Variants in SUMF1 observed in about 807,000 individuals in gnomAD.
SUMF1 encodes formylglycine-generating enzyme.
Under a neutral mutation model 47.6 loss-of-function variants are expected in SUMF1, and 48 were observed. That is an observed-to-expected ratio of 1.01 (90% confidence interval 0.80 to 1.28). The LOEUF is 1.28. SUMF1 is among the 50% of genes most tolerant of loss of function. The pLI, the probability that SUMF1 is intolerant of heterozygous loss-of-function variation, is 0.00. For missense variants in SUMF1, 571 were observed against 485.4 expected, an observed-to-expected ratio of 1.18 and a Z score of -1.66; for synonymous variants, 230 against 192.1, an observed-to-expected ratio of 1.20 and a Z score of -1.63.
intron 9 of SUMF1, among the ~76,000 whole-genome samples, chr3:4,039,865 A>T (rs1694879733): frequency 1.3e-5 from 2 of 152,124 alleles, no homozygotes; most frequent in South Asian, 2.1e-4. Context: ...TACAAAAAAA[A>T]TTTTCAAATT....
intron 9 of SUMF1, among the ~76,000 whole-genome samples, chr3:4,065,064 C>A (rs1368637975): frequency 6.6e-6 from 1 of 152,142 alleles, no homozygotes; most frequent in South Asian, 2.1e-4. Flanking sequence ...CCTAGTAACT[C>A]TGATTTATGG....
chr3:4,112,183 A>C (rs1693323107), intron 8 of SUMF1, among the ~76,000 whole-genome samples: 1 of 152,164 alleles, frequency 6.6e-6, no homozygotes, highest in African/African-American at 2.4e-5. Context: ...ATGCACTTCA[A>C]GCAAGCAAAG....
chr3:4,451,745 C>T (rs905116461), intron 2 of SUMF1, among the ~76,000 whole-genome samples: 18 of 152,224 alleles, frequency 1.2e-4, no homozygotes, highest in Non-Finnish European at 1.9e-4. Flanking sequence ...GGGCAGTGGC[C>T]GGATCTCGGC....
intron 9 of SUMF1, among the ~76,000 whole-genome samples, chr3:4,052,509 G>A (rs1392298097): frequency 2.0e-5 from 3 of 152,132 alleles, no homozygotes; most frequent in East Asian, 1.9e-4. Flanking sequence ...TGCAGCTCCT[G>A]CATGCTTCAA....
chr3:4,162,969 T>C (rs920709185), intron 8 of SUMF1, among the ~76,000 whole-genome samples: 3 of 151,924 alleles, frequency 2.0e-5, no homozygotes, highest in African/African-American at 4.8e-5. Flanking sequence ...TTCACAGAAC[T>C]ACAAACTCAT....
In SUMF1 at chr3:4,348,710, CAAA is replaced by C. The variant is rs776215852; in HGVS notation, c.1014+27617_1014+27619del. 5.4e-3 allele frequency among the ~76,000 whole-genome samples: 713 copies of C among 132,892 alleles called. 6 individuals are homozygous for C. The highest frequency in any genetic ancestry group is 0.018 in the African/African-American group (686 of 37,508). The allele number at this position is 132,892 out of a possible 152,430, so 87.2% of individuals were successfully genotyped here. A position where few individuals can be genotyped will look rare whatever the true frequency, so the allele number is the denominator to read the frequency against. ...AGAAATGCTGTCTCTACTAAAAATA[CAAA>C]AAAAAAAAAAAATTAGCCAGGTGTG... On this transcript the variant is annotated intron_variant and NMD_transcript_variant, in intron 8 of 12. Coordinates refer to the SUMF1 transcript ENST00000448413.
chr3:4,409,636 G>A (rs1559280852), intron 7 of SUMF1, among the ~76,000 whole-genome samples: 1 of 152,284 alleles, frequency 6.6e-6, no homozygotes, highest in Non-Finnish European at 1.5e-5. Context: ...GGTAGAGAAT[G>A]ACATCTCCCA....
intron 8 of SUMF1, among the ~76,000 whole-genome samples, chr3:4,330,927 C>A (rs1575104191): frequency 6.6e-6 from 1 of 152,130 alleles, no homozygotes; most frequent in South Asian, 2.1e-4. Context: ...TATTAAAGAA[C>A]AAATCAATGC....
chr3:4,170,642 C>G (rs553936096), intron 8 of SUMF1, among the ~76,000 whole-genome samples: 1 of 151,962 alleles, frequency 6.6e-6, no homozygotes, highest in East Asian at 1.9e-4. Flanking sequence ...GACAATAGAT[C>G]GATGAAACAG....
intron 8 of SUMF1, among the ~76,000 whole-genome samples, chr3:4,248,625 T>A (rs1474279917): frequency 6.6e-6 from 1 of 152,148 alleles, no homozygotes; most frequent in Non-Finnish European, 1.5e-5. Flanking sequence ...AGAATTGATA[T>A]AAGAAACATC....
intron 8 of SUMF1, among the ~76,000 whole-genome samples, chr3:4,297,952 T>C (rs967010823): frequency 6.6e-6 from 1 of 152,162 alleles, no homozygotes. Flanking sequence ...TGTTAATAAA[T>C]GTAAAGCTCA....
chr3:4,321,449 T>G, intron 8 of SUMF1, among the ~76,000 whole-genome samples: 1 of 120,998 alleles, frequency 8.3e-6, no homozygotes, highest in Non-Finnish European at 1.6e-5. Flanking sequence ...CATCTTGTAG[T>G]GCCAGAAAGT....
chr3:4,271,291 G>C (rs1423766648), intron 8 of SUMF1, among the ~76,000 whole-genome samples: 1 of 152,054 alleles, frequency 6.6e-6, no homozygotes, highest in Non-Finnish European at 1.5e-5. Flanking sequence ...TTTCAGACTT[G>C]TTTCTCCTTG....
intron 8 of SUMF1, among the ~76,000 whole-genome samples, chr3:4,168,318 G>A (rs1489995409): frequency 6.6e-6 from 1 of 152,064 alleles, no homozygotes; most frequent in Non-Finnish European, 1.5e-5. Context: ...TCTCTACCCT[G>A]CCTAAAAACT....
chr3:4,333,490 A>C (rs979655628), intron 8 of SUMF1, among the ~76,000 whole-genome samples: 6 of 152,218 alleles, frequency 3.9e-5, no homozygotes, highest in Admixed American at 6.5e-5. Context: ...AATATGTGAG[A>C]AGCAGGTATA....
rs1173697329 is a variant in SUMF1, at chr3:4,354,416, A to T, written c.1014+21914T>A. On this transcript the variant is annotated intron_variant and NMD_transcript_variant, in intron 8 of 12. Transcript: ENST00000448413. Reference sequence around the variant, plus strand: ...CTTTTTAATTATTGTTATGTCCACAAATGACTTTTCCATTGGTATTAAACC... The same window carrying T: ...CTTTTTAATTATTGTTATGTCCACATATGACTTTTCCATTGGTATTAAACC... Among the ~76,000 whole-genome samples, 6 of 151,712 alleles carry T rather than the reference A, an allele frequency of 4.0e-5. No homozygotes were observed. In the South Asian group the frequency reaches 1.3e-3, roughly 32 times the overall value.
chr3:4,389,295 C>T (rs1479725326), intron 7 of SUMF1, among the ~76,000 whole-genome samples: 1 of 151,224 alleles, frequency 6.6e-6, no homozygotes, highest in Non-Finnish European at 1.5e-5. Context: ...CTCTGGCCTT[C>T]ATGGTCACCA....
intron 8 of SUMF1, among the ~76,000 whole-genome samples, chr3:4,208,814 GACA>G (rs770736717): frequency 6.6e-6 from 1 of 151,978 alleles, no homozygotes; most frequent in African/African-American, 2.4e-5. Flanking sequence ...AGAACTGCTG[GACA>G]ACAACCAAAG....
At chr3:4,124,828 AT>A (rs1693619421) in intron 8 of SUMF1, among the ~76,000 whole-genome samples, 1 of 151,892 alleles carries the variant, frequency 6.6e-6, no homozygotes, top group African/African-American at 2.4e-5. Context: ...CTCAGGAAAA[AT>A]TTTTACTGCT....
Sources: allele counts gnomAD v4.1 joint callset (sites outside exome capture counted in the v4.1 genomes callset), GRCh38; gene constraint gnomAD v4.1.1; transcripts MANE v1.5; gene names NCBI Gene and HGNC (gene_info 2026-07-23, HGNC 2026-07-21).